Variants in NCOA3 observed in about 807,000 individuals in gnomAD.
NCOA3 encodes the protein CBP-interacting protein.
A neutral mutation model predicts 158.8 loss-of-function variants in NCOA3; 51 were observed. The ratio of observed to expected loss-of-function variants is 0.32; its 90% CI spans 0.26 to 0.41. The LOEUF (loss-of-function observed/expected upper bound fraction) is 0.41, where lower values mean the gene tolerates loss of function less well. Ranked by LOEUF, NCOA3 falls within the 10% of genes least tolerant of loss-of-function variation. NCOA3 has a pLI of 1.00. For synonymous variants in NCOA3, 537 were observed against 592.4 expected, an observed-to-expected ratio of 0.91 and a Z score of 1.36; for missense variants, 1,510 against 1,746.6, an observed-to-expected ratio of 0.86 and a Z score of 2.41.
intron 19 of NCOA3, among the ~76,000 whole-genome samples, chr20:47,650,394 G>A (rs2086763585): frequency 6.6e-6 from 1 of 151,566 alleles, no homozygotes; most frequent in African/African-American, 2.4e-5. Flanking sequence ...GGGATTACAG[G>A]TGCTCATCAC....
intron 1 of NCOA3, among the ~76,000 whole-genome samples, chr20:47,523,756 A>G (rs1007603526): frequency 1.3e-5 from 2 of 152,258 alleles, no homozygotes; most frequent in African/African-American, 4.8e-5. Context: ...AGCGATAGTG[A>G]AACTTTCATG....
intron 6 of NCOA3, 88 bp from the exon 7 acceptor site, chr20:47,627,473 A>T: frequency 9.7e-7 from 1 of 1,027,492 alleles, no homozygotes; most frequent in Non-Finnish European, 1.5e-6. Context: ...AAACATGCAT[A>T]ATGAGAAAAT....
chr20:47,520,061 CAAAAAAAAAAAAA>C (rs35406814), intron 1 of NCOA3, among the ~76,000 whole-genome samples: 2 of 32,886 alleles, frequency 6.1e-5, no homozygotes, highest in East Asian at 1.7e-3. Flanking sequence ...TGTGCCTGGC[CAAAAAAAAAAAAA>C]AAAAAAAAAA....
intron 17 of NCOA3, among the ~76,000 whole-genome samples, chr20:47,645,134 T>C (rs117165633): frequency 2.3e-3 from 355 of 152,222 alleles, no homozygotes; most frequent in Non-Finnish European, 3.5e-3. Context: ...TTATAAAATA[T>C]AAAATTTTAT....
intron 2 of NCOA3, among the ~76,000 whole-genome samples, chr20:47,618,771 AGCT>A (rs1259293134): frequency 6.6e-6 from 1 of 152,202 alleles, no homozygotes; most frequent in African/African-American, 2.4e-5. Flanking sequence ...CAAGAGAAAA[AGCT>A]GCATGTGTCT....
intron 10 of NCOA3, among the ~76,000 whole-genome samples, chr20:47,634,759 A>G (rs1189679808): frequency 6.6e-6 from 1 of 152,142 alleles, no homozygotes; most frequent in Non-Finnish European, 1.5e-5. Context: ...CTTACTGAAA[A>G]ATATGTTACT....
chr20:47,641,316 C>CA (rs911549886), intron 16 of NCOA3, among the ~76,000 whole-genome samples: 1 of 144,792 alleles, frequency 6.9e-6, no homozygotes, highest in Non-Finnish European at 1.5e-5. Flanking sequence ...AGTGATAGCT[C>CA]AACATTTCTT....
chr20:47,580,466 G>A (rs2085433979), intron 1 of NCOA3, among the ~76,000 whole-genome samples: 1 of 151,940 alleles, frequency 6.6e-6, no homozygotes, highest in Non-Finnish European at 1.5e-5. Context: ...TGAGGCAGGA[G>A]AATCGCTTTA....
intron 1 of NCOA3, among the ~76,000 whole-genome samples, chr20:47,505,154 T>C (rs2084012540): frequency 6.8e-6 from 1 of 146,188 alleles, no homozygotes; most frequent in Non-Finnish European, 1.5e-5. Flanking sequence ...CTCTGCCTCC[T>C]GGGTTCAAGC....
chr20:47,651,092 A>ACAGCAGCAGCAGCAG lies in NCOA3; in HGVS notation c.3777_3791dup (p.Gln1272_Gln1276dup), dbSNP rs3830809. ...TGATGCAGCAGCAGCAGCAGCAGCAACAGCAGCAGCAGCAGCAGCAGCAGC... is the reference window on the plus strand; with the variant it reads ...TGATGCAGCAGCAGCAGCAGCAGCAACAGCAGCAGCAGCAGCAGCAGCAGCAGCAGCAGCAGCAGC... On this transcript the variant is annotated inframe_insertion, in exon 20 of 23. Transcript: ENST00000371998. 2.1e-6 allele frequency: 3 copies of ACAGCAGCAGCAGCAG among 1,461,310 alleles called. No individual in the cohort carries two copies. The highest frequency in any genetic ancestry group is 1.8e-5 in the Admixed American group (1 of 55,928). 90.5% of individuals were successfully genotyped at this position (1,461,310 alleles called of 1,614,324 possible).
intron 1 of NCOA3, among the ~76,000 whole-genome samples, chr20:47,580,346 C>T (rs1267438719): frequency 6.6e-6 from 1 of 152,072 alleles, no homozygotes; most frequent in Non-Finnish European, 1.5e-5. Context: ...GGGCAGATTT[C>T]TTGAGGTCAA....
intron 1 of NCOA3, among the ~76,000 whole-genome samples, chr20:47,525,544 C>G (rs574804675): frequency 6.9e-6 from 1 of 144,246 alleles, no homozygotes; most frequent in Non-Finnish European, 1.5e-5. Context: ...CTGGACGGGG[C>G]GGCTGGCCGG....
At chr20:47,589,047 C>T (rs926802209) in intron 2 of NCOA3, among the ~76,000 whole-genome samples, 3 of 151,948 alleles carry the variant, frequency 2.0e-5, no homozygotes, top group Non-Finnish European at 2.9e-5. Flanking sequence ...CAACAGCATG[C>T]CCGTCTAATT....
intron 1 of NCOA3, among the ~76,000 whole-genome samples, chr20:47,549,679 C>T (rs560787706): frequency 4.6e-5 from 7 of 151,602 alleles, no homozygotes; most frequent in African/African-American, 1.7e-4. Flanking sequence ...GATTCACAAA[C>T]CTTTGTTCTC....
At chr20:47,635,764 C>T (rs72645271) in intron 11 of NCOA3, 51 bp downstream of exon 11, 7 of 1,521,562 alleles carry the variant, frequency 4.6e-6, no homozygotes, top group African/African-American at 1.4e-5. Context: ...AGTAATTATT[C>T]TTTCCATACT....
At position 47,636,089 on chromosome 20, in the gene NCOA3, A is replaced by G. The variant is rs757655233; in HGVS notation, c.1703A>G (p.Lys568Arg). The part of the protein sequence containing the change: ...QPSKVSNQDS[K>R]SPLGFYCDQN... ...AGTAAAGTAAGCAATCAGGATTCCAAGAGTCCTCTGGGCTTTTATTGCGAC... is the reference window on the plus strand; with the variant it reads ...AGTAAAGTAAGCAATCAGGATTCCAGGAGTCCTCTGGGCTTTTATTGCGAC... Residue 568 changes from lysine to arginine, a missense_variant, in exon 12 of 23, where the codon AAG (lysine) becomes AGG (arginine). Physicochemically the swap from Lys to Arg is conservative, Grantham distance 26. Transcript: ENST00000371998. 1.9e-6 allele frequency: 3 copies of G among 1,614,222 alleles called. No individual in the cohort carries two copies. The South Asian group carries it at 3.3e-5, about 18-fold the overall frequency.
intron 16 of NCOA3, among the ~76,000 whole-genome samples, chr20:47,641,596 G>A (rs1304410156): frequency 1.4e-5 from 2 of 144,834 alleles, no homozygotes; most frequent in African/African-American, 5.2e-5. Context: ...CGCCTCCTGG[G>A]TTCATGCCAT....
At chr20:47,638,795 T>A (rs935064508) in intron 13 of NCOA3, among the ~76,000 whole-genome samples, 1 of 151,032 alleles carries the variant, frequency 6.6e-6, no homozygotes, top group Admixed American at 6.6e-5. Flanking sequence ...TTCTACTTTA[T>A]TTGGAATATG....
intron 1 of NCOA3, among the ~76,000 whole-genome samples, chr20:47,521,645 TAATC>T (rs908573417): frequency 2.1e-5 from 2 of 97,074 alleles, no homozygotes; most frequent in Admixed American, 1.0e-4. Flanking sequence ...GTGGAGCAGG[TAATC>T]AGAATAAGTC....
Sources: gnomAD v4.1 joint callset for allele counts (sites outside exome capture counted in the v4.1 genomes callset) on GRCh38, gnomAD v4.1.1 for gene constraint, MANE v1.5 for transcripts, NCBI Gene and HGNC (gene_info 2026-07-23, HGNC 2026-07-21) for gene names.